DCDC2: variants seen among roughly 807,000 people sequenced by gnomAD.
DCDC2 encodes the protein doublecortin domain-containing protein 2.
Under a neutral mutation model 50.2 loss-of-function variants are expected in DCDC2, and 40 were observed. That is an observed-to-expected ratio of 0.80 (90% confidence interval 0.62 to 1.04). DCDC2 has a LOEUF of 1.04. DCDC2 is among the 50% of genes least tolerant of loss of function. DCDC2 has a pLI of 0.00. For synonymous variants in DCDC2, 234 were observed against 210.6 expected (o/e 1.11, Z -0.96); for missense variants, 570 against 581.9 (o/e 0.98, Z 0.21).
intron 2 of DCDC2, among the ~76,000 whole-genome samples, chr6:24,308,823 A>G (rs1759521520): frequency 6.6e-6 from 1 of 152,206 alleles, no homozygotes; most frequent in African/African-American, 2.4e-5. Flanking sequence ...CAAATTAGAC[A>G]CAACAGAGAG....
At chr6:24,268,667 G>A (rs763542407) in intron 7 of DCDC2, among the ~76,000 whole-genome samples, 6 of 151,490 alleles carry the variant, frequency 4.0e-5, no homozygotes, top group Non-Finnish European at 8.8e-5. Context: ...TGCCTCCTGG[G>A]TTCAAGCAAT....
chr6:24,319,845 A>G (rs1393546705), intron 2 of DCDC2, among the ~76,000 whole-genome samples: 1 of 152,118 alleles, frequency 6.6e-6, no homozygotes, highest in African/African-American at 2.4e-5. Flanking sequence ...GAGGGAGAGG[A>G]GCAACCCTTC....
At chr6:24,195,562 C>T (rs185195524) in intron 8 of DCDC2, among the ~76,000 whole-genome samples, 35 of 152,224 alleles carry the variant, frequency 2.3e-4, no homozygotes, top group Non-Finnish European at 1.6e-4. Context: ...CAGAGTTTCC[C>T]AATCTCAGCT....
chr6:24,299,151 G>A (rs916878036), intron 4 of DCDC2, among the ~76,000 whole-genome samples: 1 of 152,144 alleles, frequency 6.6e-6, no homozygotes, highest in African/African-American at 2.4e-5. Flanking sequence ...GGAATACTAC[G>A]CAGCCAGGAA....
intron 2 of DCDC2, among the ~76,000 whole-genome samples, chr6:24,338,833 G>A (rs1024927363): frequency 3.3e-5 from 5 of 151,752 alleles, no homozygotes; most frequent in African/African-American, 9.7e-5. Context: ...TTTAGTAGAG[G>A]GGGTTTCACC....
chr6:24,246,251 A>C (rs1281249759), intron 7 of DCDC2, among the ~76,000 whole-genome samples: 1 of 152,190 alleles, frequency 6.6e-6, no homozygotes, highest in Non-Finnish European at 1.5e-5. Flanking sequence ...TTTTTCCATA[A>C]GATAGGTATA....
rs146665194 is a variant in DCDC2, at chr6:24,178,738, C to G, written c.1024-106G>C. 332 of 1,153,050 alleles carry G rather than the reference C, an allele frequency of 2.9e-4. No individual in the cohort carries two copies. In the African/African-American group the frequency reaches 4.6e-3, roughly 16 times the overall value. The allele number at this position is 1,153,050 out of a possible 1,614,324, so 71.4% of individuals were successfully genotyped here. On this transcript the variant is annotated intron_variant, in intron 8 of 9. Transcript: ENST00000378454. ...TTATATTACAGTCAAGTAAAACATT[C>G]TTACATTTGCATAGTACTTTACAGT...
chr6:24,314,751 T>C (rs897629362), intron 2 of DCDC2, among the ~76,000 whole-genome samples: 10 of 152,018 alleles, frequency 6.6e-5, no homozygotes, highest in African/African-American at 2.2e-4. Flanking sequence ...GCAAACGTGA[T>C]AGTAATTAAA....
At chr6:24,368,793 A>T in the DCDC2 span, among the ~76,000 whole-genome samples, 1 of 152,320 alleles carries the variant, frequency 6.6e-6, no homozygotes, top group East Asian at 1.9e-4. Context: ...AGGAAACAAT[A>T]ATGACACTGT....
intron 8 of DCDC2, among the ~76,000 whole-genome samples, chr6:24,190,541 A>T (rs978484754): frequency 2.0e-5 from 3 of 152,176 alleles, no homozygotes; most frequent in Non-Finnish European, 4.4e-5. Context: ...AAATATATTT[A>T]AAAAAAGAAA....
At chr6:24,263,049 G>A (rs1351921916) in intron 7 of DCDC2, among the ~76,000 whole-genome samples, 5 of 152,230 alleles carry the variant, frequency 3.3e-5, no homozygotes, top group African/African-American at 9.6e-5. Flanking sequence ...TTGTTTGCAG[G>A]AAGGCAAGAG....
At position 24,245,820 on chromosome 6, in the gene DCDC2, A is replaced by C. The variant is rs567363930; in HGVS notation, c.922+32229T>G. 7.2e-5 allele frequency among the ~76,000 whole-genome samples: 11 copies of C among 152,342 alleles called. No individual in the cohort carries two copies. The East Asian group carries it at 1.5e-3, about 21-fold the overall frequency. ...CAATACTGAAAGAAAACAACAGTAT[A>C]AACAAAAACTGGCAAATTTGAAAAA... On this transcript the variant is annotated intron_variant, in intron 7 of 9. Transcript: ENST00000378454.
intron 2 of DCDC2, among the ~76,000 whole-genome samples, chr6:24,353,055 T>G (rs1179734224): frequency 2.0e-5 from 3 of 152,210 alleles, no homozygotes; most frequent in Non-Finnish European, 2.9e-5. Context: ...CACATAAGCT[T>G]TCACGAACTA....
intron 7 of DCDC2, among the ~76,000 whole-genome samples, chr6:24,211,857 C>A (rs1222965015): frequency 6.6e-6 from 1 of 152,150 alleles, no homozygotes; most frequent in Admixed American, 6.5e-5. Flanking sequence ...TTTTAAGGCA[C>A]CATGTTTGCG....
chr6:24,365,770 A>T, the DCDC2 span: 2 of 152,164 alleles, frequency 1.3e-5, no homozygotes, highest in Admixed American at 1.3e-4. Flanking sequence ...AAAGAAAAAA[A>T]AGAAAAGAAT....
chr6:24,194,510 C>T (rs73391967), intron 8 of DCDC2, among the ~76,000 whole-genome samples: 2,121 of 152,220 alleles, frequency 0.014, 40 homozygotes, highest in African/African-American at 0.047. Flanking sequence ...TCAAATTAAA[C>T]AAACTCTAAA....
chr6:24,377,177 C>T, the DCDC2 span, among the ~76,000 whole-genome samples: 108 of 152,302 alleles, frequency 7.1e-4, no homozygotes, highest in Non-Finnish European at 1.2e-3. Context: ...TGCCACAGTC[C>T]GCTGGGAACA....
At position 24,300,051 on chromosome 6, in the gene DCDC2, A is replaced by T. The variant is rs183433806; in HGVS notation, c.557+1664T>A. On this transcript the variant is annotated intron_variant, in intron 4 of 9. Coordinates refer to ENST00000378454, the MANE Select transcript of DCDC2 (RefSeq NM_016356.5). ...AAAAATCAAGGGGGTGTTTGTATAC[A>T]TGTATTTATTTATTTATACATATGT... Among the ~76,000 whole-genome samples, 361 of 152,290 alleles carry T rather than the reference A, an allele frequency of 2.4e-3. 3 individuals are homozygous for T. The highest frequency in any genetic ancestry group is 7.9e-3 in the African/African-American group (330 of 41,562).
intron 7 of DCDC2, among the ~76,000 whole-genome samples, chr6:24,241,260 AG>A (rs1161109664): frequency 6.6e-6 from 1 of 152,232 alleles, no homozygotes; most frequent in Non-Finnish European, 1.5e-5. Context: ...TGACCAAAAA[AG>A]CTAGAAAGAA....
Sources: allele counts gnomAD v4.1 joint callset (sites outside exome capture counted in the v4.1 genomes callset), GRCh38; gene constraint gnomAD v4.1.1; transcripts MANE v1.5; gene names NCBI Gene and HGNC (gene_info 2026-07-23, HGNC 2026-07-21).